Variants in SLC4A8 observed in about 807,000 individuals in gnomAD.
SLC4A8 encodes the protein electroneutral sodium bicarbonate exchanger 1.
Under a neutral mutation model 125.0 loss-of-function variants are expected in SLC4A8, and 40 were observed. The observed-to-expected ratio is 0.32, with a 90% CI of 0.25 to 0.42. The LOEUF is 0.42. SLC4A8 is among the 10% of genes least tolerant of loss of function. The pLI is 1.00. For missense variants in SLC4A8, 863 were observed against 1,355.1 expected, an observed-to-expected ratio of 0.64 and a Z score of 5.70; for synonymous variants, 456 against 476.0, an observed-to-expected ratio of 0.96 and a Z score of 0.55.
At chr12:51,398,022 C>T (rs994550718) in intron 1 of SLC4A8, among the ~76,000 whole-genome samples, 4 of 152,112 alleles carry the variant, frequency 2.6e-5, no homozygotes, top group African/African-American at 7.2e-5. Flanking sequence ...GATCCACCCA[C>T]CTCAGCCTCC....
At chr12:51,488,598 C>A in intron 17 of SLC4A8, 101 bp from the exon 18 acceptor site, 14 of 787,280 alleles carry the variant, frequency 1.8e-5, no homozygotes, top group Middle Eastern at 3.2e-4. Flanking sequence ...AAGAACCTCA[C>A]TCAAGAATAA....
At chr12:51,470,600 A>G (rs1950663489) in intron 13 of SLC4A8, 75 bp downstream of exon 13, 7 of 1,362,212 alleles carry the variant, frequency 5.1e-6, no homozygotes, top group South Asian at 1.2e-5. Context: ...TCAGGGTTCT[A>G]CTCAGTACAG....
Position 51,425,374 on chromosome 12 carries a change from G to C in SLC4A8, c.48+339G>C, listed in dbSNP as rs761940622. On this transcript the variant is annotated intron_variant, in intron 1 of 24. Coordinates refer to ENST00000453097, the MANE Select transcript of SLC4A8 (RefSeq NM_001039960.3). ...CCGGCGTCTGGCCTCGCGTTGTCCT[G>C]CCAGAACGTGGGCAGAAAGGGTAGC... 5.3e-4 allele frequency: 608 copies of C among 1,139,344 alleles called. 4 individuals carry two copies. Among genetic ancestry groups the C allele is most frequent in the Middle Eastern group, 3.6e-4 (1 of 2,750 alleles). The allele number at this position is 1,139,344 out of a possible 1,614,324, so 70.6% of individuals were successfully genotyped here.
At chr12:51,478,126 TTAG>T (rs1950909778) in intron 16 of SLC4A8, among the ~76,000 whole-genome samples, 2 of 151,984 alleles carry the variant, frequency 1.3e-5, no homozygotes, top group African/African-American at 4.8e-5. Context: ...ATACAAAAAA[TTAG>T]CTGGGCATGG....
intron 11 of SLC4A8, among the ~76,000 whole-genome samples, chr12:51,464,882 A>G (rs1336822551): frequency 6.6e-6 from 1 of 152,202 alleles, no homozygotes; most frequent in Non-Finnish European, 1.5e-5. Flanking sequence ...AGAGAATGGC[A>G]CTTGACTAGC....
chr12:51,432,054 C>G (rs1949203349), intron 1 of SLC4A8, among the ~76,000 whole-genome samples: 1 of 152,150 alleles, frequency 6.6e-6, no homozygotes. Flanking sequence ...TTAAGTGAGG[C>G]AACATATGTA....
At chr12:51,485,720 CA>C in intron 16 of SLC4A8, 66 bp from the exon 17 acceptor site, 1 of 799,468 alleles carries the variant, frequency 1.3e-6, no homozygotes, top group East Asian at 2.5e-5. Context: ...AAGCCTTTTA[CA>C]ATACTAACCT....
intron 1 of SLC4A8, among the ~76,000 whole-genome samples, chr12:51,413,180 A>AT (rs1948625079): frequency 1.3e-5 from 2 of 151,938 alleles, no homozygotes. Context: ...GATATTGAGC[A>AT]TTTTTTTCAT....
intron 2 of SLC4A8, among the ~76,000 whole-genome samples, chr12:51,443,749 C>A (rs748099154): frequency 6.6e-6 from 1 of 152,188 alleles, no homozygotes; most frequent in Non-Finnish European, 1.5e-5. Context: ...CAGTTATTGA[C>A]TTTGAGTTAA....
intron 3 of SLC4A8, 132 bp from the exon 4 acceptor site, chr12:51,451,991 GA>G: frequency 1.2e-6 from 1 of 859,372 alleles, no homozygotes; most frequent in Non-Finnish European, 1.8e-6. Flanking sequence ...TTTTCTCTGA[GA>G]ATAAAGAAAT....
At chr12:51,431,362 C>A (rs1415074623) in intron 1 of SLC4A8, among the ~76,000 whole-genome samples, 1 of 152,204 alleles carries the variant, frequency 6.6e-6, no homozygotes, top group African/African-American at 2.4e-5. Flanking sequence ...TATTCACAAA[C>A]TCTAGGGATT....
intron 5 of SLC4A8, among the ~76,000 whole-genome samples, chr12:51,455,254 A>C (rs1370195362): frequency 2.0e-5 from 3 of 151,542 alleles, no homozygotes; most frequent in Admixed American, 6.6e-5. Context: ...TTTTCCCCAC[A>C]GTGAGACCCT....
intron 1 of SLC4A8, among the ~76,000 whole-genome samples, chr12:51,400,793 C>T (rs1948372324): frequency 5.7e-5 from 5 of 87,894 alleles, no homozygotes; most frequent in East Asian, 3.5e-4. Context: ...CATACACACA[C>T]ACACACACAT....
chr12:51,434,521 A>G lies in SLC4A8; in HGVS notation c.49-6187A>G, dbSNP rs143376692. 3.9e-3 allele frequency among the ~76,000 whole-genome samples: 592 copies of G among 152,356 alleles called. 7 individuals carry two copies. Among genetic ancestry groups the G allele is most frequent in the South Asian group, 0.018 (85 of 4,832 alleles). On this transcript the variant is annotated intron_variant, in intron 1 of 24. Coordinates refer to ENST00000453097, the MANE Select transcript of SLC4A8 (RefSeq NM_001039960.3). Reference sequence around the variant, plus strand: ...GGCTCTGTTTTCTTTGGCAAGACAAAGAAAATGGATGAACAATTATTCAGT... The same window carrying G: ...GGCTCTGTTTTCTTTGGCAAGACAAGGAAAATGGATGAACAATTATTCAGT...
chr12:51,424,631 C>T, upstream of SLC4A8: 1 of 282,202 alleles, frequency 3.5e-6, no homozygotes. Context: ...TTCTAGCAAG[C>T]AGTTGGAAGG....
At position 51,510,051 on chromosome 12, in the gene SLC4A8, T is replaced by C. The variant is rs1938309733; in HGVS notation, c.*2613T>C. 6.6e-6 allele frequency: 1 copy of C among 152,124 alleles called. No individual in the cohort carries two copies. The highest frequency in any genetic ancestry group is 2.1e-4 in the South Asian group (1 of 4,814). 9.4% of individuals were successfully genotyped at this position (152,124 alleles called of 1,614,324 possible). On this transcript the variant is annotated 3_prime_UTR_variant, in exon 25 of 25. Transcript: ENST00000453097. ...TACCAGTCACTCTAGGGATTGTAGG[T>C]CCCAACAGCGGTTCCAGCAGCCTGC...
At chr12:51,462,169 A>T in intron 9 of SLC4A8, 141 bp from the exon 10 acceptor site, 1 of 737,610 alleles carries the variant, frequency 1.4e-6, no homozygotes, top group Non-Finnish European at 2.3e-6. Context: ...CACTTCTCTA[A>T]GTGCTAAAGT....
At position 51,508,145 on chromosome 12, in the gene SLC4A8, T is replaced by C. The variant is rs1354597952; in HGVS notation, c.*707T>C. On this transcript the variant is annotated 3_prime_UTR_variant, in exon 25 of 25. Coordinates refer to ENST00000453097, the MANE Select transcript of SLC4A8 (RefSeq NM_001039960.3). ...ATGATACAAGAGCCAAGAAGGGACA[T>C]TTGAGTTGTGTCGCTTAGATAGGAA... The C allele has an allele frequency of 6.6e-6, 1 of 152,196 alleles. No homozygotes were observed. The highest frequency in any genetic ancestry group is 2.4e-5 in the African/African-American group (1 of 41,432). 9.4% of individuals were successfully genotyped at this position (152,196 alleles called of 1,614,324 possible). A position where few individuals can be genotyped will look rare whatever the true frequency, so the allele number is the denominator to read the frequency against.
chr12:51,457,593 T>G, intron 6 of SLC4A8, 54 bp downstream of exon 6: 2 of 1,511,912 alleles, frequency 1.3e-6, no homozygotes, highest in Non-Finnish European at 1.8e-6. Context: ...TGGGAACTAG[T>G]TGGAGATGCT....
Sources: gnomAD v4.1 joint callset for allele counts (sites outside exome capture counted in the v4.1 genomes callset) on GRCh38, gnomAD v4.1.1 for gene constraint, MANE v1.5 for transcripts, NCBI Gene and HGNC (gene_info 2026-07-23, HGNC 2026-07-21) for gene names.